Variants in ELK3 observed in about 807,000 individuals in gnomAD.
ELK3 encodes ETS domain-containing protein Elk-3.
Under a neutral mutation model 28.9 loss-of-function variants are expected in ELK3, and 10 were observed. The ratio of observed to expected loss-of-function variants is 0.35; its 90% CI spans 0.21 to 0.59. ELK3 has a LOEUF of 0.59. Ranked by LOEUF, ELK3 falls within the 20% of genes least tolerant of loss-of-function variation. The pLI is 0.82. For missense variants in ELK3, 463 were observed against 517.3 expected (o/e 0.90, Z 1.02); for synonymous variants, 272 against 243.5 (o/e 1.12, Z -1.09).
intron 2 of ELK3, among the ~76,000 whole-genome samples, chr12:96,233,871 TGA>T (rs948445350): frequency 7.2e-5 from 11 of 152,312 alleles, no homozygotes; most frequent in East Asian, 5.8e-4. Flanking sequence ...GCCCTGGGTG[TGA>T]GTGTTGAGGG....
intron 2 of ELK3, among the ~76,000 whole-genome samples, chr12:96,246,603 G>A (rs956596132): frequency 2.6e-5 from 4 of 152,334 alleles, no homozygotes; most frequent in Middle Eastern, 3.4e-3. Flanking sequence ...TGAGGCTGCA[G>A]TGAGCCATGT....
chr12:96,232,736 C>T (rs1003027954), intron 2 of ELK3, among the ~76,000 whole-genome samples: 1 of 136,178 alleles, frequency 7.3e-6, no homozygotes, highest in African/African-American at 2.8e-5. Context: ...TATAGTGAGG[C>T]CTTGTTTCTA....
chr12:96,242,787 C>T (rs1431639517), intron 2 of ELK3, among the ~76,000 whole-genome samples: 3 of 152,228 alleles, frequency 2.0e-5, no homozygotes, highest in Admixed American at 1.3e-4. Flanking sequence ...CTCTTCCCTC[C>T]CAGTTCCACT....
At chr12:96,202,026 TGG>T (rs1951510696) in intron 1 of ELK3, among the ~76,000 whole-genome samples, 2 of 152,188 alleles carry the variant, frequency 1.3e-5, no homozygotes, top group African/African-American at 4.8e-5. Context: ...TTTGGTCACC[TGG>T]TGAAATTCCT....
intron 3 of ELK3, among the ~76,000 whole-genome samples, chr12:96,258,914 T>G (rs1951971521): frequency 6.6e-6 from 1 of 152,184 alleles, no homozygotes; most frequent in African/African-American, 2.4e-5. Context: ...AAAACCCGGC[T>G]CAGAGCTTCT....
chr12:96,238,613 T>G lies in ELK3; in HGVS notation c.208-8327T>G, dbSNP rs1951799369. Among the ~76,000 whole-genome samples, 3 of 152,208 alleles carry G rather than the reference T, an allele frequency of 2.0e-5. No individual in the cohort carries two copies. The South Asian group carries it at 6.2e-4, about 32-fold the overall frequency. ...CCTTGGATGGCATGCCACTTATAGT[T>G]TGGCTGCTCATGTCCAGTCTGCTGC... On this transcript the variant is annotated intron_variant, in intron 2 of 4. Transcript: ENST00000228741.
intron 4 of ELK3, among the ~76,000 whole-genome samples, chr12:96,265,630 T>TA (rs1333746100): frequency 6.6e-6 from 1 of 152,096 alleles, no homozygotes; most frequent in Non-Finnish European, 1.5e-5. Flanking sequence ...AGTGAGCCAA[T>TA]ATTGCATCAC....
intron 1 of ELK3, among the ~76,000 whole-genome samples, chr12:96,207,876 C>G (rs979243409): frequency 3.3e-5 from 5 of 152,204 alleles, no homozygotes; most frequent in Admixed American, 3.3e-4. Flanking sequence ...TTCAAATATG[C>G]TGTAAAGTGT....
intron 4 of ELK3, among the ~76,000 whole-genome samples, chr12:96,261,110 GGTTAAT>G (rs1470186022): frequency 6.6e-6 from 1 of 152,194 alleles, no homozygotes; most frequent in Non-Finnish European, 1.5e-5. Context: ...TGCTTGTCAA[GGTTAAT>G]GTCTGCTGAG....
chr12:96,257,736 G>C (rs140790431), intron 3 of ELK3, among the ~76,000 whole-genome samples: 2 of 152,346 alleles, frequency 1.3e-5, no homozygotes, highest in African/African-American at 4.8e-5. Context: ...GAACACCTGA[G>C]CTTGTGGCCT....
intron 1 of ELK3, among the ~76,000 whole-genome samples, chr12:96,194,961 G>A (rs1951452499): frequency 6.6e-6 from 1 of 150,432 alleles, no homozygotes; most frequent in Non-Finnish European, 1.5e-5. Context: ...GGGGCTGCGG[G>A]GACCCTGCGC....
At chr12:96,256,851 C>T (rs551938847) in intron 3 of ELK3, among the ~76,000 whole-genome samples, 1 of 152,188 alleles carries the variant, frequency 6.6e-6, no homozygotes, top group East Asian at 1.9e-4. Flanking sequence ...CAGGGGTGCA[C>T]AGGTGGGCAT....
intron 3 of ELK3, among the ~76,000 whole-genome samples, chr12:96,250,391 C>T (rs181662655): frequency 6.6e-6 from 1 of 152,252 alleles, no homozygotes; most frequent in Admixed American, 6.5e-5. Context: ...AGGCGGATTC[C>T]CTGAGATCAG....
chr12:96,266,800 A>G (rs1216192116), intron 4 of ELK3, among the ~76,000 whole-genome samples: 1 of 152,232 alleles, frequency 6.6e-6, no homozygotes, highest in African/African-American at 2.4e-5. Context: ...AAATAGTGTT[A>G]GAAGATGCTT....
intron 1 of ELK3, among the ~76,000 whole-genome samples, chr12:96,197,654 G>A (rs1007184511): frequency 1.3e-5 from 2 of 152,170 alleles, no homozygotes; most frequent in Admixed American, 6.5e-5. Flanking sequence ...TGCAAGTATA[G>A]CATCTTCATG....
At chr12:96,214,391 A>G (rs1951596087) in intron 1 of ELK3, among the ~76,000 whole-genome samples, 1 of 152,070 alleles carries the variant, frequency 6.6e-6, no homozygotes, top group African/African-American at 2.4e-5. Context: ...AGATCACACC[A>G]CTGTGCTCCA....
chr12:96,256,558 C>A (rs908593468), intron 3 of ELK3, among the ~76,000 whole-genome samples: 8 of 152,142 alleles, frequency 5.3e-5, no homozygotes, highest in Admixed American at 3.3e-4. Context: ...CCAGCTAGAG[C>A]TGCAGATGGC....
chr12:96,267,204 C>T lies in ELK3; in HGVS notation c.*24C>T. 1 of 1,597,568 alleles carries T rather than the reference C, an allele frequency of 6.3e-7. No individual in the cohort carries two copies. The highest frequency in any genetic ancestry group is 1.7e-4 in the Middle Eastern group (1 of 6,024). On this transcript the variant is annotated 3_prime_UTR_variant, in exon 5 of 5. Transcript: ENST00000228741. ...GATGACGTCTGGCCACAATTAAGGA[C>T]TCATTAACTGATGAAACAAATTTGT...
At chr12:96,244,898 T>C (rs552026641) in intron 2 of ELK3, among the ~76,000 whole-genome samples, 48 of 152,124 alleles carry the variant, frequency 3.2e-4, no homozygotes, top group Middle Eastern at 6.8e-3. Context: ...AACATCTGAG[T>C]TTCCCAAATT....
Sources: allele counts gnomAD v4.1 joint callset (sites outside exome capture counted in the v4.1 genomes callset), GRCh38; gene constraint gnomAD v4.1.1; transcripts MANE v1.5; gene names NCBI Gene and HGNC (gene_info 2026-07-23, HGNC 2026-07-21).